The following C6 variants were observed in gnomAD, a reference collection of about 807,000 sequenced individuals.
C6 encodes complement C6, also known as complement component C6.
A neutral mutation model predicts 112.9 loss-of-function variants in C6; 101 were observed. That is an observed-to-expected ratio of 0.89 (90% CI 0.76 to 1.06). C6 has a LOEUF of 1.06. Ranked by LOEUF, C6 falls within the 50% of genes least tolerant of loss-of-function variation. The pLI is 0.00. For missense variants in C6, 1,202 were observed against 1,104.6 expected, an observed-to-expected ratio of 1.09 and a Z score of -1.25; for synonymous variants, 431 against 384.1, an observed-to-expected ratio of 1.12 and a Z score of -1.43.
At chr5:41,234,215 T>C (rs960832860) in intron 1 of C6, among the ~76,000 whole-genome samples, 2 of 152,104 alleles carry the variant, frequency 1.3e-5, no homozygotes, top group Admixed American at 6.6e-5. Context: ...AATGTATCAA[T>C]ATCAATAACT....
In C6 at chr5:41,172,364, A is replaced by G. The variant is rs1748499022; in HGVS notation, c.1169-17T>C. The G allele has an allele frequency of 6.2e-7, 1 of 1,612,896 alleles. No individual in the cohort carries two copies. Among genetic ancestry groups the G allele is most frequent in the Admixed American group, 1.7e-5 (1 of 59,900 alleles). On this transcript the variant is annotated splice_polypyrimidine_tract_variant and intron_variant, in intron 8 of 17. Coordinates refer to ENST00000337836, the MANE Select transcript of C6 (RefSeq NM_000065.5). ...CGGTTAAACCTAGGAGATGAAGTAC[A>G]AACAGAAACCACTGAGAATGCACCA... is the stretch of plus-strand genomic sequence containing the variant.
intron 3 of C6, 56 bp downstream of exon 3, chr5:41,201,498 CAGGG>C: frequency 6.7e-7 from 1 of 1,493,254 alleles, no homozygotes; most frequent in Non-Finnish European, 9.3e-7. Context: ...TTAAGCCTGT[CAGGG>C]AATCAGAGCC....
intron 4 of C6, 151 bp from the exon 5 acceptor site, chr5:41,196,084 G>A (rs1219797662): frequency 1.1e-6 from 1 of 872,958 alleles, no homozygotes; most frequent in Admixed American, 2.0e-5. Flanking sequence ...ACATAAAAAT[G>A]GAGCGATAAA....
chr5:41,144,084 T>G (rs940214473), intron 17 of C6, among the ~76,000 whole-genome samples: 4 of 152,214 alleles, frequency 2.6e-5, no homozygotes, highest in African/African-American at 9.6e-5. Context: ...GTAGTTTAAC[T>G]GTCTGTTTCC....
chr5:41,230,432 G>C (rs1462017107), intron 1 of C6, among the ~76,000 whole-genome samples: 1 of 152,106 alleles, frequency 6.6e-6, no homozygotes, highest in East Asian at 1.9e-4. Flanking sequence ...GGGAGTGTCT[G>C]TCTTAAGTGG....
intron 11 of C6, among the ~76,000 whole-genome samples, chr5:41,159,914 T>C (rs1225498560): frequency 1.3e-5 from 2 of 152,168 alleles, no homozygotes; most frequent in African/African-American, 2.4e-5. Flanking sequence ...GTTATCCTCA[T>C]TTTATGGATG....
intron 7 of C6, 121 bp from the exon 8 acceptor site, chr5:41,176,836 ACT>A: frequency 1.0e-6 from 1 of 957,992 alleles, no homozygotes; most frequent in Non-Finnish European, 1.6e-6. Context: ...AATAATTCTC[ACT>A]CTCTATTGCA....
chr5:41,229,146 T>C (rs1739716121), intron 1 of C6, among the ~76,000 whole-genome samples: 1 of 151,350 alleles, frequency 6.6e-6, no homozygotes, highest in Non-Finnish European at 1.5e-5. Flanking sequence ...TTAATTTTAT[T>C]GATCATGTTA....
At chr5:41,157,406 G>T (rs979451339) in intron 13 of C6, among the ~76,000 whole-genome samples, 8 of 152,168 alleles carry the variant, frequency 5.3e-5, no homozygotes, top group African/African-American at 1.9e-4. Flanking sequence ...ATGTTCTAGG[G>T]CAGGGGCCAG....
In C6 at chr5:41,158,696, G is replaced by T; in HGVS notation, c.1946C>A (p.Pro649His). The change falls in exon 13 of 18, where the codon CCT becomes CAT. Residue 649 changes from proline (P) to histidine (H), a missense_variant. Physicochemically the swap from Pro to His is moderately conservative, Grantham distance 77. Coordinates refer to ENST00000337836, the MANE Select transcript of C6 (RefSeq NM_000065.5). ...EADSGCPQPV[P>H]PENGFIRNEK... Reference sequence around the variant, plus strand: ...GACCCGGATAAATCCATTTTCTGGAGGAACTGGCTGAGGACACCCGGAATC... The same window carrying T: ...GACCCGGATAAATCCATTTTCTGGATGAACTGGCTGAGGACACCCGGAATC... The T allele has an allele frequency of 6.2e-7, 1 of 1,608,288 alleles. No homozygotes were observed. The highest frequency in any genetic ancestry group is 8.5e-7 in the Non-Finnish European group (1 of 1,174,828).
intron 5 of C6, among the ~76,000 whole-genome samples, chr5:41,191,962 G>C (rs1357146741): frequency 6.6e-6 from 1 of 152,156 alleles, no homozygotes; most frequent in Non-Finnish European, 1.5e-5. Context: ...AGTGGTAAGA[G>C]CAGGTATCCT....
chr5:41,211,892 C>T (rs1049169531), intron 1 of C6, among the ~76,000 whole-genome samples: 2 of 152,130 alleles, frequency 1.3e-5, no homozygotes, highest in African/African-American at 4.8e-5. Flanking sequence ...TCAGCAGACA[C>T]TGTCTTTTAA....
intron 1 of C6, among the ~76,000 whole-genome samples, chr5:41,247,648 G>C (rs1292268891): frequency 2.6e-5 from 4 of 151,276 alleles, no homozygotes; most frequent in Admixed American, 6.6e-5. Context: ...AACCCGGGAG[G>C]TGGAGCCTGC....
intron 4 of C6, 72 bp downstream of exon 4, chr5:41,199,696 G>A: frequency 7.1e-7 from 1 of 1,404,462 alleles, no homozygotes; most frequent in South Asian, 1.2e-5. Context: ...TCTACTGTTA[G>A]TCAATTGGAG....
chr5:41,218,445 G>A (rs531201347), upstream of C6, among the ~76,000 whole-genome samples: 54 of 152,234 alleles, frequency 3.5e-4, no homozygotes, highest in South Asian at 9.5e-3. Context: ...AGACAGGAGA[G>A]AGAAAACAAA....
intron 8 of C6, 45 bp downstream of exon 8, chr5:41,176,430 A>C (rs1748848629): frequency 1.3e-6 from 2 of 1,591,042 alleles, no homozygotes; most frequent in Admixed American, 1.7e-5. Flanking sequence ...AATGTATTGC[A>C]TGCTATCATA....
chr5:41,180,524 G>C (rs1580127595), intron 7 of C6, among the ~76,000 whole-genome samples: 1 of 150,164 alleles, frequency 6.7e-6, no homozygotes, highest in Non-Finnish European at 1.5e-5. Flanking sequence ...TATATTAAAA[G>C]GGTTCTCTAA....
intron 3 of C6, among the ~76,000 whole-genome samples, chr5:41,201,164 G>A (rs188065184): frequency 3.3e-5 from 5 of 151,922 alleles, no homozygotes; most frequent in Admixed American, 1.3e-4. Context: ...AAGCTACTAC[G>A]TTATGTATAT....
rs751514430 is a variant in C6 at position 41,158,764 on chromosome 5, A to C, written c.1878T>G (p.Asp626Glu). ...MENNGQPCIN[D>E]DEEMKEVDLP... ...GATCGACCTCTTTCATTTCTTCGTC[A>C]TCATTGATACATGGTTGTCCACTAA... The change falls in exon 13 of 18, where the codon GAT becomes GAG. Residue 626 changes from aspartate (D) to glutamate (E), a missense_variant. Transcript: ENST00000337836. The C allele has an allele frequency of 8.2e-6, 13 of 1,586,108 alleles. No homozygotes were observed. In the Admixed American group the frequency reaches 2.0e-4, roughly 24 times the overall value.
Sources: gnomAD v4.1 joint callset for allele counts (sites outside exome capture counted in the v4.1 genomes callset) on GRCh38, gnomAD v4.1.1 for gene constraint, MANE v1.5 for transcripts, NCBI Gene and HGNC (gene_info 2026-07-23, HGNC 2026-07-21) for gene names.